MCEE: variants seen among roughly 807,000 people sequenced by gnomAD.
The protein encoded by MCEE is methylmalonyl-CoA epimerase.
Under a neutral mutation model 12.9 loss-of-function variants are expected in MCEE, and 6 were observed. The observed-to-expected ratio is 0.47, with a 90% CI of 0.26 to 0.92. The LOEUF (loss-of-function observed/expected upper bound fraction) is 0.92, where lower values mean the gene tolerates loss of function less well. Among genes scored for constraint, MCEE ranks in the 40% least tolerant of loss-of-function variants. The probability of loss-of-function intolerance (pLI) is 0.16; values close to 1 mark genes in which losing one functional copy is unlikely to be tolerated. For missense variants in MCEE, 214 were observed against 212.1 expected (o/e 1.01, Z -0.05); for synonymous variants, 78 against 77.9 (o/e 1.00, Z -0.01).
intron 1 of MCEE, among the ~76,000 whole-genome samples, chr2:71,125,208 T>TAA (rs1673195914): frequency 6.5e-5 from 4 of 61,894 alleles, no homozygotes; most frequent in African/African-American, 7.6e-5. Context: ...TATATATATA[T>TAA]ATATTTTTTT....
intron 2 of MCEE, among the ~76,000 whole-genome samples, chr2:71,123,386 T>C (rs1317860020): frequency 2.0e-5 from 3 of 150,454 alleles, no homozygotes; most frequent in African/African-American, 7.3e-5. Flanking sequence ...AGCTACCTGG[T>C]AGGCTGAGGC....
At chr2:71,125,209 A>ATTTTTTTTT (rs1449400615) in intron 1 of MCEE, among the ~76,000 whole-genome samples, 31 of 48,180 alleles carry the variant, frequency 6.4e-4, no homozygotes, top group Non-Finnish European at 1.2e-3. Flanking sequence ...ATATATATAT[A>ATTTTTTTTT]TATTTTTTTT....
chr2:71,119,433 G>A (rs1439828377), intron 2 of MCEE, among the ~76,000 whole-genome samples: 3 of 150,584 alleles, frequency 2.0e-5, no homozygotes, highest in Non-Finnish European at 2.9e-5. Context: ...ACTCATCACT[G>A]ACTGAAACAT....
At chr2:71,111,183 A>G (rs1003656613) in intron 2 of MCEE, among the ~76,000 whole-genome samples, 1 of 152,144 alleles carries the variant, frequency 6.6e-6, no homozygotes, top group African/African-American at 2.4e-5. Flanking sequence ...TAAACCTCAT[A>G]GATATGTCAA....
At position 71,124,361 on chromosome 2, in the gene MCEE, C is replaced by T; in HGVS notation, c.223G>A (p.Glu75Lys). 8 of 1,614,176 alleles carry T rather than the reference C, an allele frequency of 5.0e-6. No individual in the cohort carries two copies. The highest frequency in any genetic ancestry group is 1.3e-5 in the African/African-American group (1 of 75,054). ...CCATGTTCAGGAAGAGGGACCGCTT[C>T]ACTTACCTGGGCCCCCAGAATATTC... Reference protein sequence around the residue: ...YKNILGAQVSEAVPLPEHGVS... With the variant: ...YKNILGAQVSKAVPLPEHGVS... Residue 75 changes from glutamate to lysine, a missense_variant, in exon 2 of 3, where the codon GAA becomes AAA. By Grantham distance (56) the Glu-to-Lys change is moderately conservative. Transcript: ENST00000244217.
At chr2:71,120,929 G>T (rs746306901) in intron 2 of MCEE, among the ~76,000 whole-genome samples, 52 of 152,082 alleles carry the variant, frequency 3.4e-4, no homozygotes, top group Non-Finnish European at 5.9e-4. Context: ...TAGAGATGGG[G>T]TTTCACCGTG....
chr2:71,111,201 C>T (rs761599095), intron 2 of MCEE, among the ~76,000 whole-genome samples: 89 of 152,190 alleles, frequency 5.8e-4, no homozygotes, highest in African/African-American at 1.8e-3. Context: ...CAAAGTCACA[C>T]GTGCCTAGAT....
intron 2 of MCEE, among the ~76,000 whole-genome samples, chr2:71,111,773 G>A (rs1229176242): frequency 8.5e-5 from 13 of 152,132 alleles, no homozygotes; most frequent in Admixed American, 8.5e-4. Flanking sequence ...TAAGTTCCAC[G>A]TGGATTCCCC....
At chr2:71,127,478 GTTTT>G (rs559894247) in intron 1 of MCEE, among the ~76,000 whole-genome samples, 31 of 152,298 alleles carry the variant, frequency 2.0e-4, no homozygotes, top group African/African-American at 6.5e-4. Flanking sequence ...CTTGTAATAG[GTTTT>G]TTAACAGCTT....
chr2:71,130,186 C>T lies in MCEE; in HGVS notation c.34G>A (p.Ala12Thr). 1 of 1,609,076 alleles carries T rather than the reference C, an allele frequency of 6.2e-7. No homozygotes were observed. Among genetic ancestry groups the T allele is most frequent in the Non-Finnish European group, 8.5e-7 (1 of 1,178,506 alleles). The change falls in exon 1 of 3, where the codon GCC becomes ACC. Residue 12 changes from alanine to threonine, a missense_variant. Coordinates refer to ENST00000244217, the MANE Select transcript of MCEE (RefSeq NM_032601.4). Reference sequence around the variant, plus strand: ...GCCGGTGCCCGGTATTCACCTACGGCATTCGCGGCTGCAGCCTTCAGCACC... The same window carrying T: ...GCCGGTGCCCGGTATTCACCTACGGTATTCGCGGCTGCAGCCTTCAGCACC... Reference protein sequence around the residue: ...ARVLKAAAANAVGLFSRLQAP... With the variant: ...ARVLKAAAANTVGLFSRLQAP...
intron 2 of MCEE, among the ~76,000 whole-genome samples, chr2:71,115,315 T>C (rs924908501): frequency 3.3e-5 from 5 of 152,180 alleles, no homozygotes; most frequent in African/African-American, 1.2e-4. Flanking sequence ...TGAGCCCAGG[T>C]TGAGGCTGAA....
intron 1 of MCEE, among the ~76,000 whole-genome samples, chr2:71,127,687 C>T (rs943362783): frequency 1.3e-5 from 2 of 152,196 alleles, no homozygotes; most frequent in Non-Finnish European, 2.9e-5. Flanking sequence ...AGTGCAATGG[C>T]GCAATCTTGG....
At chr2:71,125,211 A>ATATATTT in intron 1 of MCEE, among the ~76,000 whole-genome samples, 6 of 48,604 alleles carry the variant, frequency 1.2e-4, no homozygotes, top group Admixed American at 3.3e-4. Flanking sequence ...ATATATATAT[A>ATATATTT]TTTTTTTTTT....
intron 2 of MCEE, among the ~76,000 whole-genome samples, chr2:71,113,224 T>G (rs1434289696): frequency 6.6e-6 from 1 of 152,212 alleles, no homozygotes; most frequent in Admixed American, 6.5e-5. Flanking sequence ...CAGTATGCTC[T>G]GAGGAGTTTA....
At chr2:71,125,205 A>T (rs1176058527) in intron 1 of MCEE, among the ~76,000 whole-genome samples, 831 of 42,510 alleles carry the variant, frequency 0.02, 11 homozygotes, top group African/African-American at 0.057. Flanking sequence ...ATATATATAT[A>T]TATATATTTT....
intron 1 of MCEE, 159 bp downstream of exon 1, chr2:71,130,021 G>A: frequency 1.3e-6 from 1 of 746,556 alleles, no homozygotes; most frequent in South Asian, 1.5e-5. Context: ...GCTTCTGGAA[G>A]GCACCCTCTG....
At chr2:71,117,180 C>T (rs185393418) in intron 2 of MCEE, among the ~76,000 whole-genome samples, 1 of 150,670 alleles carries the variant, frequency 6.6e-6, no homozygotes, top group Admixed American at 6.6e-5. Context: ...TTTGTTCCAA[C>T]TGTATCTCCT....
intron 2 of MCEE, among the ~76,000 whole-genome samples, chr2:71,119,145 G>A (rs1673051450): frequency 6.6e-6 from 1 of 150,438 alleles, no homozygotes; most frequent in Non-Finnish European, 1.5e-5. Context: ...TTTTTGGTAA[G>A]TAGAAAGAAA....
chr2:71,114,507 A>G (rs1282801223), intron 2 of MCEE, among the ~76,000 whole-genome samples: 1 of 152,270 alleles, frequency 6.6e-6, no homozygotes, highest in African/African-American at 2.4e-5. Context: ...TCAAACTATT[A>G]TAAGATGTTC....
Sources: allele counts gnomAD v4.1 joint callset (sites outside exome capture counted in the v4.1 genomes callset), GRCh38; gene constraint gnomAD v4.1.1; transcripts MANE v1.5; gene names NCBI Gene and HGNC (gene_info 2026-07-23, HGNC 2026-07-21).